Variants in ANXA13 observed in about 807,000 individuals in gnomAD.
ANXA13 encodes annexin A13.
A neutral mutation model predicts 46.6 loss-of-function variants in ANXA13; 36 were observed. That is an observed-to-expected ratio of 0.77 (90% confidence interval 0.59 to 1.02). The LOEUF is 1.02. Ranked by LOEUF, ANXA13 falls within the 50% of genes least tolerant of loss-of-function variation. ANXA13 has a pLI of 0.00. For missense variants in ANXA13, 417 were observed against 396.5 expected, an observed-to-expected ratio of 1.05 and a Z score of -0.44; for synonymous variants, 163 against 152.9, an observed-to-expected ratio of 1.07 and a Z score of -0.49.
chr8:123,684,382 A>G (rs113077544), intron 10 of ANXA13, among the ~76,000 whole-genome samples: 1 of 152,352 alleles, frequency 6.6e-6, no homozygotes, highest in African/African-American at 2.4e-5. Flanking sequence ...CTAGCTCTCC[A>G]GAGCCACAGA....
At chr8:123,711,462 T>G (rs79026324) in intron 2 of ANXA13, among the ~76,000 whole-genome samples, 21,318 of 152,174 alleles carry the variant, frequency 0.14, 1,657 homozygotes, top group Admixed American at 0.18. Context: ...GCTGTCTCCC[T>G]CATCCCACCC....
chr8:123,684,929 C>T (rs1001414348), intron 9 of ANXA13, among the ~76,000 whole-genome samples: 1 of 152,246 alleles, frequency 6.6e-6, no homozygotes, highest in Admixed American at 6.5e-5. Context: ...TAGCTCCCCT[C>T]CTGTCCCCTG....
At chr8:123,695,387 T>C (rs1263499678) in intron 6 of ANXA13, 115 bp downstream of exon 6, 1 of 792,640 alleles carries the variant, frequency 1.3e-6, no homozygotes, top group Non-Finnish European at 2.1e-6. Context: ...CCCTTGATAA[T>C]ATTTTTAATA....
At chr8:123,698,251 G>T in intron 4 of ANXA13, 138 bp downstream of exon 4, 1 of 878,404 alleles carries the variant, frequency 1.1e-6, no homozygotes, top group East Asian at 2.6e-5. Flanking sequence ...CCTCCCACAT[G>T]GACCAAGCAC....
At chr8:123,681,429 T>C (rs759573811) in intron 10 of ANXA13, 70 bp from the exon 11 acceptor site, 31 of 1,459,156 alleles carry the variant, frequency 2.1e-5, no homozygotes, top group Non-Finnish European at 2.7e-5. Flanking sequence ...GGCACTGTTC[T>C]ACACATGTTA....
rs565599601 is a variant in ANXA13 at position 123,695,889 on chromosome 8, T to C, written c.358-168A>G. ...AGGGCACACGCCTGGAGCGAGTCCC[T>C]GGAGATGTGACGGCCCGCCCCCCCC... On this transcript the variant is annotated intron_variant, in intron 4 of 10. Coordinates refer to ENST00000419625, the MANE Select transcript of ANXA13 (RefSeq NM_004306.4). 3.0e-4 allele frequency among the ~76,000 whole-genome samples: 46 copies of C among 151,710 alleles called. No individual in the cohort carries two copies. The South Asian group carries it at 4.2e-3, about 14-fold the overall frequency.
chr8:123,699,178 G>A (rs1397785740), intron 3 of ANXA13, among the ~76,000 whole-genome samples: 1 of 152,064 alleles, frequency 6.6e-6, no homozygotes, highest in African/African-American at 2.4e-5. Flanking sequence ...ATTCTTACTG[G>A]CATCTGTTTT....
At chr8:123,701,306 C>G (rs1415222661) in intron 3 of ANXA13, among the ~76,000 whole-genome samples, 1 of 152,038 alleles carries the variant, frequency 6.6e-6, no homozygotes, top group East Asian at 1.9e-4. Context: ...AAAAATTTTA[C>G]TAAAAACACA....
At chr8:123,730,951 C>T (rs114478537) in intron 1 of ANXA13, among the ~76,000 whole-genome samples, 5,816 of 152,250 alleles carry the variant, frequency 0.038, 139 homozygotes, top group African/African-American at 0.046. Flanking sequence ...ACCCGGGTTT[C>T]AATGCCATCA....
At chr8:123,697,454 AAGT>A (rs1813362620) in intron 4 of ANXA13, among the ~76,000 whole-genome samples, 1 of 152,170 alleles carries the variant, frequency 6.6e-6, no homozygotes, top group African/African-American at 2.4e-5. Context: ...GGGAGAAAAG[AAGT>A]CCGGGGATGC....
At chr8:123,715,588 G>A (rs897303170) in intron 1 of ANXA13, among the ~76,000 whole-genome samples, 3 of 152,250 alleles carry the variant, frequency 2.0e-5, no homozygotes, top group Non-Finnish European at 2.9e-5. Flanking sequence ...CTCTGCAAAT[G>A]GCTGTGTGGG....
At chr8:123,685,451 T>C (rs1222903852) in intron 9 of ANXA13, among the ~76,000 whole-genome samples, 2 of 152,130 alleles carry the variant, frequency 1.3e-5, no homozygotes, top group African/African-American at 4.8e-5. Context: ...CCTTCCCCTC[T>C]TCCCAGGCTC....
At chr8:123,723,558 T>C (rs1813927053) in intron 1 of ANXA13, among the ~76,000 whole-genome samples, 1 of 152,116 alleles carries the variant, frequency 6.6e-6, no homozygotes, top group Non-Finnish European at 1.5e-5. Context: ...TGTGATCTCC[T>C]CCCAACTCTG....
chr8:123,702,880 T>A (rs17257150), intron 2 of ANXA13, 144 bp from the exon 3 acceptor site: 27 of 674,820 alleles, frequency 4.0e-5, no homozygotes, highest in Non-Finnish European at 6.2e-5. Flanking sequence ...TTAGCTTTGA[T>A]GCCTTGTGCT....
At chr8:123,730,908 G>T (rs2129948477) in intron 1 of ANXA13, among the ~76,000 whole-genome samples, 1 of 152,262 alleles carries the variant, frequency 6.6e-6, no homozygotes, top group South Asian at 2.1e-4. Context: ...CTGCATTCCG[G>T]GTGAGAAGCC....
chr8:123,708,828 C>T (rs997242563), intron 2 of ANXA13, among the ~76,000 whole-genome samples: 5 of 152,144 alleles, frequency 3.3e-5, no homozygotes, highest in African/African-American at 7.2e-5. Context: ...TGGCTTCTGC[C>T]GGGAACCCTT....
At chr8:123,704,921 T>C (rs1333276208) in intron 2 of ANXA13, among the ~76,000 whole-genome samples, 1 of 152,234 alleles carries the variant, frequency 6.6e-6, no homozygotes, top group Middle Eastern at 3.2e-3. Flanking sequence ...TCAGCGCCTC[T>C]AGCCCTAATC....
intron 1 of ANXA13, among the ~76,000 whole-genome samples, chr8:123,727,492 C>T (rs553366958): frequency 2.6e-5 from 4 of 151,902 alleles, no homozygotes; most frequent in Admixed American, 6.6e-5. Flanking sequence ...AAACCAGGAG[C>T]GATTTTTGTC....
chr8:123,702,588 G>T (rs374755044), intron 3 of ANXA13, 54 bp downstream of exon 3: 1 of 1,449,622 alleles, frequency 6.9e-7, no homozygotes, highest in Non-Finnish European at 9.7e-7. Context: ...TGAGGAAGCC[G>T]AGACGGCTGA....
Sources: gnomAD v4.1 joint callset for allele counts (sites outside exome capture counted in the v4.1 genomes callset) on GRCh38, gnomAD v4.1.1 for gene constraint, MANE v1.5 for transcripts, NCBI Gene and HGNC (gene_info 2026-07-23, HGNC 2026-07-21) for gene names.